ROBO2: variants seen among roughly 807,000 people sequenced by gnomAD.
ROBO2 encodes the protein roundabout homolog 2.
Under a neutral mutation model 160.8 loss-of-function variants are expected in ROBO2, and 53 were observed. The observed-to-expected ratio is 0.33, with a 90% confidence interval of 0.26 to 0.41. The LOEUF (loss-of-function observed/expected upper bound fraction) is 0.41, where lower values mean the gene tolerates loss of function less well. ROBO2 is among the 10% of genes least tolerant of loss of function. The pLI is 1.00. For missense variants in ROBO2, 1,577 were observed against 1,722.4 expected (o/e 0.92, Z 1.49); for synonymous variants, 664 against 611.7 (o/e 1.09, Z -1.26).
chr3:76,578,295 T>C (rs1440404752), intron 2 of ROBO2, among the ~76,000 whole-genome samples: 1 of 152,174 alleles, frequency 6.6e-6, no homozygotes, highest in Non-Finnish European at 1.5e-5. Flanking sequence ...CACTCAAATA[T>C]GTGCTGAAGT....
At chr3:77,057,980 A>G (rs1320026224) in intron 1 of ROBO2, among the ~76,000 whole-genome samples, 1 of 152,148 alleles carries the variant, frequency 6.6e-6, no homozygotes, top group Non-Finnish European at 1.5e-5. Context: ...TCCAGAACTT[A>G]AAGTAAAATT....
chr3:77,108,417 AC>A (rs565090259), intron 2 of ROBO2, among the ~76,000 whole-genome samples: 24 of 149,882 alleles, frequency 1.6e-4, no homozygotes, highest in Admixed American at 5.4e-4. Flanking sequence ...GCCCTATGTG[AC>A]CCCCCCCTAC....
intron 2 of ROBO2, among the ~76,000 whole-genome samples, chr3:76,176,719 C>T (rs1471731864): frequency 1.3e-5 from 2 of 151,846 alleles, no homozygotes; most frequent in Non-Finnish European, 2.9e-5. Context: ...CATTTTCTTA[C>T]TTGATTATTT....
intron 2 of ROBO2, among the ~76,000 whole-genome samples, chr3:77,315,420 A>G (rs535948755): frequency 6.6e-6 from 1 of 152,322 alleles, no homozygotes. Flanking sequence ...ATCAAATTTT[A>G]CAGCATTGGA....
At chr3:77,211,840 C>T (rs2084215459) in intron 2 of ROBO2, among the ~76,000 whole-genome samples, 1 of 152,140 alleles carries the variant, frequency 6.6e-6, no homozygotes, top group Non-Finnish European at 1.5e-5. Context: ...GAATCCTTTC[C>T]CCATTGCTTG....
rs544572848 is a variant in ROBO2 at position 77,291,584 on chromosome 3, G to A, written c.389-185830G>A. Among the ~76,000 whole-genome samples, 28 of 148,696 alleles carry A rather than the reference G, an allele frequency of 1.9e-4. No homozygotes were observed. The Admixed American group carries it at 1.9e-3, about 10-fold the overall frequency. The stretch of plus-strand genomic sequence containing the variant: ...AAAATTGATGGTTAAACGGGAAGGT[G>A]AGGCTAGAGCAGTAAAGACATAAAG... On this transcript the variant is annotated intron_variant, in intron 2 of 25. Coordinates refer to ENST00000461745, the Ensembl canonical transcript of ROBO2.
chr3:76,338,740 T>C (rs1339742049), intron 2 of ROBO2, among the ~76,000 whole-genome samples: 1 of 150,024 alleles, frequency 6.7e-6, no homozygotes, highest in Non-Finnish European at 1.5e-5. Flanking sequence ...ATAGAAATTA[T>C]GTATAATTAT....
chr3:77,148,108 A>G (rs1376032040), intron 2 of ROBO2, among the ~76,000 whole-genome samples: 1 of 152,246 alleles, frequency 6.6e-6, no homozygotes, highest in Non-Finnish European at 1.5e-5. Flanking sequence ...AGAATGGATA[A>G]TAATAGCTGT....
chr3:76,946,706 G>A (rs115012621), intron 2 of ROBO2, among the ~76,000 whole-genome samples: 4,471 of 152,240 alleles, frequency 0.029, 219 homozygotes, highest in African/African-American at 0.1. Context: ...CGAAGATGTT[G>A]GGATTACAGA....
At chr3:77,359,662 C>T (rs1369339312) in intron 2 of ROBO2, among the ~76,000 whole-genome samples, 1 of 151,940 alleles carries the variant, frequency 6.6e-6, no homozygotes, top group African/African-American at 2.4e-5. Context: ...TCTGAAATAC[C>T]ACCTTCTTTA....
At chr3:76,437,151 C>A (rs897823382) in intron 2 of ROBO2, among the ~76,000 whole-genome samples, 1 of 151,960 alleles carries the variant, frequency 6.6e-6, no homozygotes, top group African/African-American at 2.4e-5. Flanking sequence ...TATACTGAAG[C>A]TTTTGAAACT....
chr3:76,377,088 T>C (rs1211545520), intron 2 of ROBO2, among the ~76,000 whole-genome samples: 3 of 152,178 alleles, frequency 2.0e-5, no homozygotes, highest in African/African-American at 7.2e-5. Flanking sequence ...CCTGTTGTTA[T>C]AGTAAGGATA....
chr3:76,409,030 A>G (rs1034450651), intron 2 of ROBO2, among the ~76,000 whole-genome samples: 2 of 152,096 alleles, frequency 1.3e-5, no homozygotes, highest in Non-Finnish European at 2.9e-5. Context: ...GTGAATGACA[A>G]TAGAGTTCTG....
intron 2 of ROBO2, among the ~76,000 whole-genome samples, chr3:77,279,922 A>G (rs1406091416): frequency 1.3e-5 from 2 of 152,194 alleles, no homozygotes; most frequent in Non-Finnish European, 2.9e-5. Context: ...AGTGGCAAGA[A>G]TACCTTGTGA....
chr3:76,697,736 T>C (rs987137148), intron 2 of ROBO2, among the ~76,000 whole-genome samples: 3 of 152,124 alleles, frequency 2.0e-5, no homozygotes, highest in African/African-American at 7.2e-5. Flanking sequence ...AAAATTCCAC[T>C]CTTTTTTGCC....
At chr3:76,464,548 C>T (rs1577379107) in intron 2 of ROBO2, among the ~76,000 whole-genome samples, 1 of 151,756 alleles carries the variant, frequency 6.6e-6, no homozygotes, top group Non-Finnish European at 1.5e-5. Flanking sequence ...CTTTCCACCT[C>T]AGTAGGGCTC....
chr3:76,178,922 C>A (rs1480109699), intron 2 of ROBO2, among the ~76,000 whole-genome samples: 2 of 152,028 alleles, frequency 1.3e-5, no homozygotes, highest in African/African-American at 2.4e-5. Context: ...GCCAGGGAAA[C>A]AAGAGCGAAA....
intron 2 of ROBO2, among the ~76,000 whole-genome samples, chr3:76,759,668 A>G (rs1195868901): frequency 6.8e-6 from 1 of 146,560 alleles, no homozygotes; most frequent in East Asian, 2.0e-4. Context: ...TCCTCGGATT[A>G]AGAGGAGTTT....
intron 23 of ROBO2, chr3:77,630,724 A>C (rs906356042): frequency 1.3e-5 from 2 of 152,094 alleles, no homozygotes; most frequent in African/African-American, 2.4e-5. Context: ...AGGAAGATAG[A>C]AGAGACTAGA....
Sources: allele counts gnomAD v4.1 joint callset (sites outside exome capture counted in the v4.1 genomes callset), GRCh38; gene constraint gnomAD v4.1.1; transcripts MANE v1.5; gene names NCBI Gene and HGNC (gene_info 2026-07-23, HGNC 2026-07-21).